The following NTM variants were observed in gnomAD, a reference collection of about 807,000 sequenced individuals.
The protein encoded by NTM is IgLON family member 2.
In NTM, 13 loss-of-function variants were observed where a neutral mutation model predicts 42.1. That is an observed-to-expected ratio of 0.31 (90% CI 0.20 to 0.49). NTM has a LOEUF of 0.49. Ranked by LOEUF, NTM falls within the 20% of genes least tolerant of loss-of-function variation. The probability of loss-of-function intolerance (pLI) is 0.99; values close to 1 mark genes in which losing one functional copy is unlikely to be tolerated. For synonymous variants in NTM, 187 were observed against 179.2 expected, an observed-to-expected ratio of 1.04 and a Z score of -0.35; for missense variants, 373 against 452.8, an observed-to-expected ratio of 0.82 and a Z score of 1.60.
At chr11:131,401,809 T>C (rs1463971877) in intron 1 of NTM, among the ~76,000 whole-genome samples, 3 of 13,546 alleles carry the variant, frequency 2.2e-4, no homozygotes, top group Non-Finnish European at 3.9e-4. Flanking sequence ...AATATATATA[T>C]ATATATATAT....
At chr11:132,120,512 G>A in intron 2 of NTM, among the ~76,000 whole-genome samples, 1 of 152,192 alleles carries the variant, frequency 6.6e-6, no homozygotes, top group East Asian at 1.9e-4. Flanking sequence ...GTGGGCAAAA[G>A]AGGGACCAGA....
At chr11:131,569,394 C>T (rs369774557) in intron 1 of NTM, among the ~76,000 whole-genome samples, 86 of 152,090 alleles carry the variant, frequency 5.7e-4, no homozygotes, top group African/African-American at 2.0e-3. Context: ...GATCCACTTG[C>T]CTTGGCCTCC....
chr11:132,206,544 C>T (rs1480544881), intron 3 of NTM, among the ~76,000 whole-genome samples: 1 of 152,198 alleles, frequency 6.6e-6, no homozygotes, highest in East Asian at 1.9e-4. Flanking sequence ...GTTATTAGCT[C>T]CATTTTATAA....
chr11:131,561,452 T>C (rs904938233), intron 1 of NTM, among the ~76,000 whole-genome samples: 4 of 152,160 alleles, frequency 2.6e-5, no homozygotes, highest in African/African-American at 7.2e-5. Context: ...GAAACAAAAG[T>C]TCCCCCATCC....
chr11:131,406,883 T>C (rs1945865424), intron 1 of NTM, among the ~76,000 whole-genome samples: 2 of 152,316 alleles, frequency 1.3e-5, no homozygotes, highest in African/African-American at 4.8e-5. Flanking sequence ...TAAATGTACA[T>C]GCATAAGTAA....
At chr11:131,619,211 C>G (rs1043796431) in intron 1 of NTM, among the ~76,000 whole-genome samples, 1 of 152,106 alleles carries the variant, frequency 6.6e-6, no homozygotes. Context: ...TGGCAAAGCC[C>G]GAATAAGGAA....
At chr11:131,818,256 C>T (rs1473705190) in intron 1 of NTM, among the ~76,000 whole-genome samples, 1 of 152,176 alleles carries the variant, frequency 6.6e-6, no homozygotes, top group Non-Finnish European at 1.5e-5. Flanking sequence ...AGGCCTGCCT[C>T]ATTTCAACCC....
intron 2 of NTM, among the ~76,000 whole-genome samples, chr11:132,073,406 A>G (rs534592088): frequency 1.1e-4 from 17 of 152,344 alleles, no homozygotes; most frequent in South Asian, 4.1e-4. Flanking sequence ...TGTCCCCAGC[A>G]GTGCATGATG....
At chr11:132,011,841 C>A (rs572301047) in intron 2 of NTM, among the ~76,000 whole-genome samples, 1 of 152,284 alleles carries the variant, frequency 6.6e-6, no homozygotes, top group African/African-American at 2.4e-5. Flanking sequence ...CATTCCTAAG[C>A]TTGTAATACC....
chr11:132,335,218 C>T lies in NTM; in HGVS notation c.*72C>T, dbSNP rs552583096. Reference sequence around the variant, plus strand: ...CACCAACACAACAGCAATGGCAACACCGACAGCAACCAATCAGATATATAC... The same window carrying T: ...CACCAACACAACAGCAATGGCAACATCGACAGCAACCAATCAGATATATAC... On this transcript the variant is annotated 3_prime_UTR_variant, in exon 9 of 9. Transcript: ENST00000683400. 1.0e-5 allele frequency: 15 copies of T among 1,507,232 alleles called. No homozygotes were observed. In the East Asian group the frequency reaches 3.4e-4, roughly 34 times the overall value. 93.4% of individuals were successfully genotyped at this position (1,507,232 alleles called of 1,614,324 possible). A position where few individuals can be genotyped will look rare whatever the true frequency, so the allele number is the denominator to read the frequency against.
At chr11:132,188,272 G>A (rs142510674) in intron 3 of NTM, among the ~76,000 whole-genome samples, 32 of 152,270 alleles carry the variant, frequency 2.1e-4, no homozygotes, top group African/African-American at 7.0e-4. Context: ...TGAGGAACCC[G>A]GACTAACCCA....
intron 1 of NTM, among the ~76,000 whole-genome samples, chr11:131,379,791 G>A (rs1214800387): frequency 6.6e-6 from 1 of 151,930 alleles, no homozygotes; most frequent in East Asian, 1.9e-4. Flanking sequence ...ATATTCCAAG[G>A]TTTGCCTCCT....
chr11:131,783,220 C>T lies in NTM; in HGVS notation c.83-128344C>T, dbSNP rs561992400. Among the ~76,000 whole-genome samples the T allele has an allele frequency of 3.7e-4, 56 of 152,130 alleles. 1 individual carries two copies. The highest frequency in any genetic ancestry group is 1.3e-3 in the African/African-American group (54 of 41,558). On this transcript the variant is annotated intron_variant, in intron 1 of 8. Coordinates refer to ENST00000683400, the MANE Select transcript of NTM (RefSeq NM_001352005.2). The stretch of plus-strand genomic sequence containing the variant: ...AAAATTTAATTAAAAATCCTATTTA[C>T]AGGGTCATCCAAAAGCATAAAATAT...
intron 1 of NTM, among the ~76,000 whole-genome samples, chr11:131,601,644 C>A (rs1256345888): frequency 6.6e-6 from 1 of 151,782 alleles, no homozygotes. Context: ...CACAGGGATT[C>A]CTGGAGCACA....
intron 1 of NTM, among the ~76,000 whole-genome samples, chr11:131,444,330 C>CG (rs1396304526): frequency 6.6e-6 from 1 of 151,394 alleles, no homozygotes; most frequent in Non-Finnish European, 1.5e-5. Context: ...CCAAGGAGTG[C>CG]GTCTTATGGA....
chr11:132,089,857 G>A (rs2060183497), intron 2 of NTM, among the ~76,000 whole-genome samples: 1 of 152,102 alleles, frequency 6.6e-6, no homozygotes, highest in Non-Finnish European at 1.5e-5. Flanking sequence ...ACTAGATCCT[G>A]TTCAGAAGTT....
At chr11:132,226,279 A>G (rs544618209) in intron 4 of NTM, among the ~76,000 whole-genome samples, 73 of 152,334 alleles carry the variant, frequency 4.8e-4, no homozygotes, top group South Asian at 8.3e-4. Context: ...TCCTTTAGGA[A>G]TTGCCACACT....
chr11:131,381,515 T>A (rs1011213882), intron 1 of NTM, among the ~76,000 whole-genome samples: 2 of 152,174 alleles, frequency 1.3e-5, no homozygotes, highest in African/African-American at 2.4e-5. Context: ...AACTTCCTAA[T>A]AAAAGGATCT....
At chr11:131,920,654 C>T (rs187981194) in intron 2 of NTM, among the ~76,000 whole-genome samples, 2 of 152,128 alleles carry the variant, frequency 1.3e-5, no homozygotes, top group Admixed American at 1.3e-4. Context: ...GCTGTCCTAT[C>T]AGTGTGAAAT....
Sources: allele counts gnomAD v4.1 joint callset (sites outside exome capture counted in the v4.1 genomes callset), GRCh38; gene constraint gnomAD v4.1.1; transcripts MANE v1.5; gene names NCBI Gene and HGNC (gene_info 2026-07-23, HGNC 2026-07-21).